GALNT13: variants seen among roughly 807,000 people sequenced by gnomAD.
The protein encoded by GALNT13 is UDP-GalNAc:polypeptide N-acetylgalactosaminyltransferase 13.
In GALNT13, 28 loss-of-function variants were observed where a neutral mutation model predicts 64.2. The ratio of observed to expected loss-of-function variants is 0.44; its 90% confidence interval spans 0.32 to 0.60. The LOEUF is 0.60. Ranked by LOEUF, GALNT13 falls within the 20% of genes least tolerant of loss-of-function variation. GALNT13 has a pLI of 0.05. For missense variants in GALNT13, 577 were observed against 669.8 expected, an observed-to-expected ratio of 0.86 and a Z score of 1.53; for synonymous variants, 214 against 224.6, an observed-to-expected ratio of 0.95 and a Z score of 0.42.
At chr2:153,259,657 C>G in the GALNT13 span, among the ~76,000 whole-genome samples, 1 of 152,124 alleles carries the variant, frequency 6.6e-6, no homozygotes, top group Non-Finnish European at 1.5e-5. Flanking sequence ...CACACGGTCT[C>G]TTCCCTGCTG....
intron 7 of GALNT13, among the ~76,000 whole-genome samples, chr2:154,252,886 C>T (rs1257771494): frequency 1.3e-5 from 2 of 152,054 alleles, no homozygotes; most frequent in East Asian, 3.9e-4. Flanking sequence ...GGTCCTTGAA[C>T]AAGGGACTTA....
At chr2:154,199,448 A>G (rs1295466020) in intron 4 of GALNT13, among the ~76,000 whole-genome samples, 3 of 152,084 alleles carry the variant, frequency 2.0e-5, no homozygotes, top group Non-Finnish European at 4.4e-5. Flanking sequence ...CAAACAGAGC[A>G]CAAAATGGGT....
chr2:154,195,882 A>G (rs1319272286), intron 4 of GALNT13, among the ~76,000 whole-genome samples: 2 of 152,162 alleles, frequency 1.3e-5, no homozygotes, highest in African/African-American at 2.4e-5. Context: ...TCATGGTACC[A>G]GAACCCTAAC....
intron 4 of GALNT13, among the ~76,000 whole-genome samples, chr2:154,144,440 C>G (rs1197959008): frequency 6.6e-6 from 1 of 152,052 alleles, no homozygotes; most frequent in Non-Finnish European, 1.5e-5. Flanking sequence ...ATTAAGCTAG[C>G]ACAAGTGATG....
chr2:154,370,311 C>T (rs1697611704), intron 9 of GALNT13, among the ~76,000 whole-genome samples: 1 of 152,032 alleles, frequency 6.6e-6, no homozygotes, highest in South Asian at 2.1e-4. Context: ...AGGTTTAAAA[C>T]AACAAAGTCT....
the GALNT13 span, among the ~76,000 whole-genome samples, chr2:153,676,967 A>G: frequency 2.0e-5 from 3 of 152,226 alleles, no homozygotes; most frequent in East Asian, 5.8e-4. Context: ...GAGCTGGAAC[A>G]AGACAAGCAT....
intron 9 of GALNT13, among the ~76,000 whole-genome samples, chr2:154,348,813 G>A (rs1046495629): frequency 2.0e-5 from 3 of 152,082 alleles, no homozygotes; most frequent in Non-Finnish European, 4.4e-5. Flanking sequence ...GAGTTTGCAT[G>A]TTATTCAGAG....
At chr2:154,016,354 A>C (rs201896812) in intron 3 of GALNT13, among the ~76,000 whole-genome samples, 4 of 152,158 alleles carry the variant, frequency 2.6e-5, no homozygotes, top group Non-Finnish European at 5.9e-5. Context: ...TTAAGTCTTG[A>C]TGGTTGTCTC....
chr2:154,012,568 C>T (rs1280626706), intron 3 of GALNT13, among the ~76,000 whole-genome samples: 5 of 152,158 alleles, frequency 3.3e-5, no homozygotes, highest in South Asian at 2.1e-4. Context: ...TGCATAGTAT[C>T]GTGCAGGGGT....
At chr2:154,147,814 T>C (rs72871874) in intron 4 of GALNT13, among the ~76,000 whole-genome samples, 10,774 of 152,096 alleles carry the variant, frequency 0.071, 467 homozygotes, top group Middle Eastern at 0.14. Context: ...ACTTGAGTTA[T>C]GTAGGCCTGA....
At chr2:153,928,570 G>A (rs1041418533) in intron 2 of GALNT13, among the ~76,000 whole-genome samples, 12 of 151,990 alleles carry the variant, frequency 7.9e-5, no homozygotes, top group Non-Finnish European at 1.3e-4. Flanking sequence ...TTGGTTTGCC[G>A]TGTTATAAGA....
At chr2:153,283,365 G>A in the GALNT13 span, among the ~76,000 whole-genome samples, 1 of 152,192 alleles carries the variant, frequency 6.6e-6, no homozygotes. Context: ...CTGGAGATCT[G>A]CCTTAATGTT....
chr2:154,141,392 A>G (rs549132156), intron 4 of GALNT13, among the ~76,000 whole-genome samples: 1 of 152,286 alleles, frequency 6.6e-6, no homozygotes, highest in Admixed American at 6.5e-5. Flanking sequence ...CTTAAAACAC[A>G]AGCATACTAT....
rs138394671 is a variant in GALNT13, at chr2:154,292,004, A to G, written c.976-9405A>G. ...AAAGTTGGCACTTTATGTGTCGTAC[A>G]AGCAAGCCCCTTACCCCTCAGGAAG... On this transcript the variant is annotated intron_variant, in intron 8 of 12. Coordinates refer to ENST00000392825, the MANE Select transcript of GALNT13 (RefSeq NM_052917.4). Among the ~76,000 whole-genome samples the G allele has an allele frequency of 2.0e-3, 298 of 152,334 alleles. 2 individuals carry two copies. Among genetic ancestry groups the G allele is most frequent in the African/African-American group, 7.0e-3 (290 of 41,570 alleles).
intron 8 of GALNT13, among the ~76,000 whole-genome samples, chr2:154,296,883 C>G (rs1692957009): frequency 6.6e-6 from 1 of 152,060 alleles, no homozygotes; most frequent in Admixed American, 6.5e-5. Context: ...AACCCGTCAG[C>G]AATTGGAGAA....
At chr2:153,506,915 A>G in the GALNT13 span, among the ~76,000 whole-genome samples, 1 of 152,186 alleles carries the variant, frequency 6.6e-6, no homozygotes, top group Non-Finnish European at 1.5e-5. Flanking sequence ...GTTTTCCTCT[A>G]TTATTCCCTC....
the GALNT13 span, among the ~76,000 whole-genome samples, chr2:153,191,469 T>G: frequency 4.6e-5 from 7 of 152,172 alleles, no homozygotes; most frequent in Non-Finnish European, 1.0e-4. Flanking sequence ...TTCAGTTTAC[T>G]TGTATTTTGT....
At chr2:153,700,385 A>C in the GALNT13 span, among the ~76,000 whole-genome samples, 1 of 152,348 alleles carries the variant, frequency 6.6e-6, no homozygotes, top group African/African-American at 2.4e-5. Context: ...AGCCAATATC[A>C]TACTGATTGG....
chr2:153,676,092 T>TCTCTA, the GALNT13 span, among the ~76,000 whole-genome samples: 1 of 151,632 alleles, frequency 6.6e-6, no homozygotes, highest in Admixed American at 6.6e-5. Context: ...TTTTGAAAGA[T>TCTCTA]CAACTAAGAT....
Sources: allele counts gnomAD v4.1 joint callset (sites outside exome capture counted in the v4.1 genomes callset), GRCh38; gene constraint gnomAD v4.1.1; transcripts MANE v1.5; gene names NCBI Gene and HGNC (gene_info 2026-07-23, HGNC 2026-07-21).